The following ASTN1 variants were observed in gnomAD, a reference collection of about 807,000 sequenced individuals.
The protein encoded by ASTN1 is astrotactin 1, also known as astrotactin-1.
A neutral mutation model predicts 140.7 loss-of-function variants in ASTN1; 41 were observed. The observed-to-expected ratio is 0.29, with a 90% CI of 0.23 to 0.38. The LOEUF (loss-of-function observed/expected upper bound fraction) is 0.38, where lower values mean the gene tolerates loss of function less well. Ranked by LOEUF, ASTN1 falls within the 10% of genes least tolerant of loss-of-function variation. The pLI, the probability that ASTN1 is intolerant of heterozygous loss-of-function variation, is 1.00. For synonymous variants in ASTN1, 640 were observed against 652.2 expected (o/e 0.98, Z 0.29); for missense variants, 1,479 against 1,678.8 (o/e 0.88, Z 2.08).
chr1:177,066,267 G>C (rs1678347974), intron 1 of ASTN1, among the ~76,000 whole-genome samples: 1 of 152,126 alleles, frequency 6.6e-6, no homozygotes, highest in African/African-American at 2.4e-5. Context: ...TGGTGAGAAG[G>C]GCTCTCATTC....
At chr1:176,960,935 G>A (rs909690480) in intron 9 of ASTN1, among the ~76,000 whole-genome samples, 1 of 152,060 alleles carries the variant, frequency 6.6e-6, no homozygotes, top group Admixed American at 6.6e-5. Context: ...CTGAGCCTGT[G>A]CACCTGACTC....
rs113178702 is a variant in ASTN1 at position 176,958,770 on chromosome 1, C to T, written c.1599-288G>A. Among the ~76,000 whole-genome samples the T allele has an allele frequency of 2.2e-3, 332 of 152,304 alleles. 2 individuals carry two copies. The highest frequency in any genetic ancestry group is 7.6e-3 in the African/African-American group (316 of 41,572). ...GTTCCAGCTTTCTTCGGATTTGAAG[C>T]TGGGCTTCCCCTGTCTTGAGTCAGA... On this transcript the variant is annotated intron_variant, in intron 9 of 22. Coordinates refer to ENST00000361833, the MANE Select transcript of ASTN1 (RefSeq NM_004319.3).
chr1:177,080,736 G>A (rs1168516770), intron 1 of ASTN1, among the ~76,000 whole-genome samples: 1 of 152,186 alleles, frequency 6.6e-6, no homozygotes, highest in Non-Finnish European at 1.5e-5. Context: ...TAGGGAGGAA[G>A]TGTAGTGAAG....
rs749893548 is a variant in ASTN1, at chr1:176,934,343, A to G, written c.2483-3T>C. On this transcript the variant is annotated splice_region_variant and splice_polypyrimidine_tract_variant and intron_variant, in intron 15 of 22. Coordinates refer to ENST00000361833, the MANE Select transcript of ASTN1 (RefSeq NM_004319.3). ...CGAGTGGAGAGCATTGCTGAGGGCT[A>G]TGGAGAGGCATCACCCAAGGGTAAG... 1.6e-5 allele frequency: 26 copies of G among 1,601,590 alleles called. No homozygotes were observed. In the South Asian group the frequency reaches 2.1e-4, roughly 13 times the overall value.
chr1:176,975,338 G>T lies in ASTN1; in HGVS notation c.1524-10101C>A, dbSNP rs964408155. On this transcript the variant is annotated intron_variant, in intron 8 of 22. Transcript: ENST00000361833. The stretch of plus-strand genomic sequence containing the variant: ...AGCAAGGTCACATTAGTAGCCCAAG[G>T]TCACACTGCTAGTAAGGGGCAGAGG... Among the ~76,000 whole-genome samples, 4 of 152,228 alleles carry T rather than the reference G, an allele frequency of 2.6e-5. 1 individual carries two copies. The South Asian group carries it at 6.2e-4, about 24-fold the overall frequency.
chr1:176,861,168 C>T lies in ASTN1; in HGVS notation c.*3116G>A, dbSNP rs1336874529. On this transcript the variant is annotated 3_prime_UTR_variant, in exon 23 of 23. Transcript: ENST00000361833. Reference sequence around the variant, plus strand: ...CAACACTGTTATACCTGAAGATGGTCATATTATATTCTTTCTTCCTTCTGC... The same window carrying T: ...CAACACTGTTATACCTGAAGATGGTTATATTATATTCTTTCTTCCTTCTGC... 1.0e-6 allele frequency: 1 copy of T among 956,148 alleles called. No individual in the cohort carries two copies. Among genetic ancestry groups the T allele is most frequent in the Admixed American group, 6.2e-5 (1 of 16,180 alleles). The allele number at this position is 956,148 out of a possible 1,614,324, so 59.2% of individuals were successfully genotyped here. A position where few individuals can be genotyped will look rare whatever the true frequency, so the allele number is the denominator to read the frequency against.
At chr1:177,109,468 A>G (rs1680711051) in intron 1 of ASTN1, among the ~76,000 whole-genome samples, 1 of 152,098 alleles carries the variant, frequency 6.6e-6, no homozygotes, top group Admixed American at 6.6e-5. Context: ...AGAGAGACTC[A>G]CCCACAATAT....
intron 21 of ASTN1, among the ~76,000 whole-genome samples, chr1:176,871,855 A>G (rs572792852): frequency 2.0e-5 from 3 of 152,360 alleles, no homozygotes; most frequent in Admixed American, 2.0e-4. Flanking sequence ...GTTATTCAAG[A>G]CAGATACCTG....
At chr1:176,935,485 T>TA (rs1439512489) in intron 15 of ASTN1, among the ~76,000 whole-genome samples, 5 of 152,188 alleles carry the variant, frequency 3.3e-5, no homozygotes, top group Non-Finnish European at 7.3e-5. Context: ...TCTTTTGTGT[T>TA]AAAAAAGAAA....
chr1:177,007,614 G>A (rs1473585249), intron 8 of ASTN1, among the ~76,000 whole-genome samples: 1 of 152,146 alleles, frequency 6.6e-6, no homozygotes, highest in African/African-American at 2.4e-5. Context: ...CCCTCTCCCA[G>A]ACTTGTGAAA....
At chr1:177,090,452 G>A (rs1214217102) in intron 1 of ASTN1, among the ~76,000 whole-genome samples, 1 of 152,074 alleles carries the variant, frequency 6.6e-6, no homozygotes, top group Non-Finnish European at 1.5e-5. Flanking sequence ...ATCCATGAGA[G>A]AGCCTTATGT....
chr1:177,040,781 T>G (rs1352792288), intron 2 of ASTN1, among the ~76,000 whole-genome samples: 5 of 152,254 alleles, frequency 3.3e-5, no homozygotes, highest in Non-Finnish European at 7.3e-5. Context: ...TCTGGAAAGT[T>G]TGTCTTCAAT....
At chr1:177,136,981 G>A (rs890947441) in intron 1 of ASTN1, among the ~76,000 whole-genome samples, 14 of 152,084 alleles carry the variant, frequency 9.2e-5, no homozygotes, top group South Asian at 2.1e-4. Context: ...AGGATGTTTG[G>A]CCGAATCTTT....
intron 2 of ASTN1, among the ~76,000 whole-genome samples, chr1:177,048,954 T>C (rs1571707951): frequency 2.6e-5 from 4 of 152,182 alleles, no homozygotes; most frequent in Middle Eastern, 6.8e-3. Flanking sequence ...ATGTGATAGC[T>C]CCCTCCCAGG....
chr1:177,064,953 T>C (rs770298514), intron 1 of ASTN1, among the ~76,000 whole-genome samples: 1 of 152,140 alleles, frequency 6.6e-6, no homozygotes, highest in Non-Finnish European at 1.5e-5. Context: ...GCTTGGAACA[T>C]CAATGTAATC....
chr1:176,953,677 C>T (rs1052659378), intron 11 of ASTN1, among the ~76,000 whole-genome samples: 1 of 152,170 alleles, frequency 6.6e-6, no homozygotes, highest in African/African-American at 2.4e-5. Flanking sequence ...GGTGAAATGA[C>T]ACATTTCATG....
At chr1:177,048,079 T>C (rs1003112946) in intron 2 of ASTN1, among the ~76,000 whole-genome samples, 1 of 152,176 alleles carries the variant, frequency 6.6e-6, no homozygotes, top group African/African-American at 2.4e-5. Flanking sequence ...CTCTTAACTT[T>C]TTTCATTAGA....
Position 176,958,343 on chromosome 1 carries a change from A to ACCTGAC in ASTN1, c.1732_1736+1dup. 2 of 1,613,838 alleles carry ACCTGAC rather than the reference A, an allele frequency of 1.2e-6. No homozygotes were observed. The highest frequency in any genetic ancestry group is 1.7e-6 in the Non-Finnish European group (2 of 1,179,842). On this transcript the variant is annotated splice_donor_variant, in intron 10 of 22. Transcript: ENST00000361833. LOFTEE classifies it high-confidence loss of function. ...AGGCCTCAGTCCTGAAGCCAGACTCACCTGACCTCCACAGCATCCTCCATC... is the reference window on the plus strand; with the variant it reads ...AGGCCTCAGTCCTGAAGCCAGACTCACCTGACCCTGACCTCCACAGCATCCTCCATC...
chr1:177,030,703 C>A, intron 4 of ASTN1, 103 bp downstream of exon 4: 1 of 1,470,758 alleles, frequency 6.8e-7, no homozygotes, highest in Non-Finnish European at 9.3e-7. Flanking sequence ...CAGGGCATAC[C>A]CTCTCCAGCC....
Sources: gnomAD v4.1 joint callset for allele counts (sites outside exome capture counted in the v4.1 genomes callset) on GRCh38, gnomAD v4.1.1 for gene constraint, MANE v1.5 for transcripts, NCBI Gene and HGNC (gene_info 2026-07-23, HGNC 2026-07-21) for gene names.